RAP1A: variants seen among roughly 807,000 people sequenced by gnomAD.
RAP1A encodes the protein RAP1A, member of RAS oncogene family, also known as ras-related protein Rap-1A.
A neutral mutation model predicts 26.4 loss-of-function variants in RAP1A; 6 were observed. The observed-to-expected ratio is 0.23, with a 90% CI of 0.12 to 0.45. The LOEUF (loss-of-function observed/expected upper bound fraction) is 0.45. RAP1A is among the 20% of genes least tolerant of loss of function. RAP1A has a pLI of 0.99. For synonymous variants in RAP1A, 73 were observed against 79.4 expected, an observed-to-expected ratio of 0.92 and a Z score of 0.43; for missense variants, 121 against 217.2, an observed-to-expected ratio of 0.56 and a Z score of 2.78.
intron 1 of RAP1A, among the ~76,000 whole-genome samples, chr1:111,632,773 T>C (rs1177888923): frequency 6.6e-6 from 1 of 151,248 alleles, no homozygotes; most frequent in African/African-American, 2.4e-5. Flanking sequence ...ACAAAAAAAC[T>C]AGCTGGGCGC....
chr1:111,602,092 T>G (rs1368799004), intron 1 of RAP1A: 1 of 152,258 alleles, frequency 6.6e-6, no homozygotes, highest in African/African-American at 2.4e-5. Context: ...AATTAGATCC[T>G]TTAGCCAAAC....
intron 1 of RAP1A, among the ~76,000 whole-genome samples, chr1:111,555,064 C>T (rs1395184365): frequency 6.6e-6 from 1 of 151,876 alleles, no homozygotes; most frequent in African/African-American, 2.4e-5. Context: ...GAAAAAGAGG[C>T]TATCAAAAAT....
At chr1:111,577,921 C>T (rs1658177919) in intron 1 of RAP1A, among the ~76,000 whole-genome samples, 1 of 152,160 alleles carries the variant, frequency 6.6e-6, no homozygotes, top group African/African-American at 2.4e-5. Context: ...TTTAATTGAG[C>T]ATCTCCTGTA....
intron 1 of RAP1A, among the ~76,000 whole-genome samples, chr1:111,631,817 TGAG>T (rs1659576120): frequency 6.6e-6 from 1 of 152,076 alleles, no homozygotes; most frequent in South Asian, 2.1e-4. Context: ...GTGAAAATCC[TGAG>T]GAGAGAAATA....
intron 1 of RAP1A, among the ~76,000 whole-genome samples, chr1:111,665,657 TG>T (rs1660779329): frequency 6.6e-6 from 1 of 152,226 alleles, no homozygotes; most frequent in South Asian, 2.1e-4. Context: ...ACTGGTGATG[TG>T]CTTTTGATGA....
chr1:111,645,845 A>G (rs888579751), intron 1 of RAP1A, among the ~76,000 whole-genome samples: 3 of 152,282 alleles, frequency 2.0e-5, no homozygotes, highest in African/African-American at 7.2e-5. Context: ...ACTAAGCTAC[A>G]CTGTTGATCA....
chr1:111,625,357 G>T (rs973810156), intron 1 of RAP1A, among the ~76,000 whole-genome samples: 2 of 151,518 alleles, frequency 1.3e-5, no homozygotes, highest in Admixed American at 1.3e-4. Flanking sequence ...CTTTAGAAAA[G>T]ACAAAACTAT....
At chr1:111,643,075 AT>A (rs1335699835) in intron 1 of RAP1A, among the ~76,000 whole-genome samples, 1 of 151,842 alleles carries the variant, frequency 6.6e-6, no homozygotes, top group Non-Finnish European at 1.5e-5. Flanking sequence ...CGGCCAGCTA[AT>A]TTTTTTTGTA....
At chr1:111,689,564 C>A (rs1309576736) in intron 1 of RAP1A, among the ~76,000 whole-genome samples, 1 of 151,848 alleles carries the variant, frequency 6.6e-6, no homozygotes. Context: ...TCATTTTTTT[C>A]TTTAAATTTT....
intron 1 of RAP1A, among the ~76,000 whole-genome samples, chr1:111,567,122 C>G (rs538528715): frequency 4.1e-4 from 62 of 151,970 alleles, no homozygotes; most frequent in Non-Finnish European, 6.0e-4. Flanking sequence ...GACATAGGCC[C>G]CGCCCTCAAG....
intron 1 of RAP1A, among the ~76,000 whole-genome samples, chr1:111,642,649 G>A (rs1233819460): frequency 2.6e-5 from 4 of 151,868 alleles, no homozygotes; most frequent in South Asian, 2.1e-4. Context: ...CACCACGCGC[G>A]GCTAGTTTTT....
At chr1:111,633,769 A>G (rs114344309) in intron 1 of RAP1A, among the ~76,000 whole-genome samples, 449 of 152,356 alleles carry the variant, frequency 2.9e-3, no homozygotes, top group African/African-American at 0.01. Flanking sequence ...TGATAGCATT[A>G]TAATTCAAGA....
chr1:111,682,579 A>G (rs1490007021), intron 1 of RAP1A, among the ~76,000 whole-genome samples: 1 of 152,202 alleles, frequency 6.6e-6, no homozygotes, highest in Non-Finnish European at 1.5e-5. Context: ...GATTAAAAAA[A>G]GACAGTGGCA....
intron 1 of RAP1A, among the ~76,000 whole-genome samples, chr1:111,646,639 C>T (rs1660078405): frequency 1.3e-5 from 2 of 152,030 alleles, no homozygotes; most frequent in South Asian, 4.1e-4. Context: ...CTCCCGGGTT[C>T]ACGCCATTCT....
At chr1:111,545,087 C>T (rs970770594) in intron 1 of RAP1A, among the ~76,000 whole-genome samples, 5 of 147,258 alleles carry the variant, frequency 3.4e-5, no homozygotes, top group African/African-American at 1.0e-4. Flanking sequence ...GGTACATACC[C>T]AATTTCTTGG....
chr1:111,613,419 T>C (rs553045580), intron 1 of RAP1A, among the ~76,000 whole-genome samples: 7 of 152,276 alleles, frequency 4.6e-5, no homozygotes, highest in Non-Finnish European at 1.0e-4. Context: ...TAGGATGGTC[T>C]CGATCTCCTG....
intron 1 of RAP1A, among the ~76,000 whole-genome samples, chr1:111,568,744 G>T (rs1260337240): frequency 1.3e-5 from 2 of 152,012 alleles, no homozygotes; most frequent in African/African-American, 4.8e-5. Context: ...GAGTATGCCT[G>T]CCTCTCCTGC....
At chr1:111,635,842 G>A (rs973096673) in intron 1 of RAP1A, among the ~76,000 whole-genome samples, 1 of 151,998 alleles carries the variant, frequency 6.6e-6, no homozygotes, top group African/African-American at 2.4e-5. Context: ...CAAAGTGTTG[G>A]AATTACAGGT....
intron 7 of RAP1A, among the ~76,000 whole-genome samples, chr1:111,711,385 A>T (rs909474951): frequency 2.0e-5 from 3 of 152,186 alleles, no homozygotes; most frequent in Non-Finnish European, 4.4e-5. Context: ...AAAAGGTGCC[A>T]TCTCCTGGCC....
Sources: gnomAD v4.1 joint callset for allele counts (sites outside exome capture counted in the v4.1 genomes callset) on GRCh38, gnomAD v4.1.1 for gene constraint, MANE v1.5 for transcripts, NCBI Gene and HGNC (gene_info 2026-07-23, HGNC 2026-07-21) for gene names.